The following MCF2L variants were observed in gnomAD, a reference collection of about 807,000 sequenced individuals.
MCF2L encodes the protein MCF.2 cell line derived transforming sequence like.
MCF2L carries 97 observed loss-of-function variants against 153.4 expected under a neutral mutation model. The ratio of observed to expected loss-of-function variants is 0.63; its 90% CI spans 0.54 to 0.75. The LOEUF (loss-of-function observed/expected upper bound fraction) is 0.75, where lower values mean the gene tolerates loss of function less well. Ranked by LOEUF, MCF2L falls within the 30% of genes least tolerant of loss-of-function variation. The pLI is 0.00. For synonymous variants in MCF2L, 659 were observed against 632.2 expected (o/e 1.04, Z -0.64); for missense variants, 1,347 against 1,495.2 (o/e 0.90, Z 1.64).
At chr13:113,043,306 A>T (rs1030066621) in intron 3 of MCF2L, 10 of 152,086 alleles carry the variant, frequency 6.6e-5, no homozygotes, top group African/African-American at 2.4e-4. Flanking sequence ...AAAGCATTTG[A>T]CTGGGTTCGC....
intron 3 of MCF2L, among the ~76,000 whole-genome samples, chr13:113,038,671 T>C (rs949817925): frequency 2.0e-5 from 3 of 152,074 alleles, no homozygotes; most frequent in African/African-American, 7.2e-5. Flanking sequence ...ACATTTTATA[T>C]GAAAATGCAA....
At chr13:112,948,947 T>C (rs2081664210) in intron 2 of MCF2L, among the ~76,000 whole-genome samples, 1 of 152,152 alleles carries the variant, frequency 6.6e-6, no homozygotes, top group African/African-American at 2.4e-5. Flanking sequence ...GCACCTGTAG[T>C]CCCAGCTACT....
At chr13:113,091,971 A>G (rs999748646) in intron 26 of MCF2L, among the ~76,000 whole-genome samples, 3 of 152,152 alleles carry the variant, frequency 2.0e-5, no homozygotes, top group African/African-American at 7.2e-5. Context: ...AGCTGTGGCC[A>G]CCCTGGGCAT....
chr13:113,041,901 G>C (rs1201845227), intron 3 of MCF2L, among the ~76,000 whole-genome samples: 1 of 152,166 alleles, frequency 6.6e-6, no homozygotes, highest in Non-Finnish European at 1.5e-5. Context: ...CACACGTGGT[G>C]TCTGAGCCAG....
At chr13:113,065,724 C>T (rs902008499) in intron 7 of MCF2L, among the ~76,000 whole-genome samples, 1 of 152,188 alleles carries the variant, frequency 6.6e-6, no homozygotes, top group Non-Finnish European at 1.5e-5. Flanking sequence ...CTCACCGGGC[C>T]GCTCCACCGT....
chr13:112,934,501 T>C (rs574292395), intron 2 of MCF2L, among the ~76,000 whole-genome samples: 7 of 123,390 alleles, frequency 5.7e-5, no homozygotes, highest in Middle Eastern at 4.1e-3. Flanking sequence ...ACATCCAGAG[T>C]CTCTGATTCA....
chr13:112,962,475 G>A (rs1195805387), intron 2 of MCF2L, among the ~76,000 whole-genome samples: 1 of 152,192 alleles, frequency 6.6e-6, no homozygotes, highest in African/African-American at 2.4e-5. Flanking sequence ...CAGCCATGGG[G>A]GTGGGCCTCA....
chr13:112,974,030 C>T (rs1191814022), intron 1 of MCF2L, among the ~76,000 whole-genome samples: 1 of 152,190 alleles, frequency 6.6e-6, no homozygotes, highest in Admixed American at 6.5e-5. Context: ...GACCCCATCC[C>T]CCACTGTTTC....
intron 1 of MCF2L, among the ~76,000 whole-genome samples, chr13:113,006,876 G>T (rs191252643): frequency 6.6e-6 from 1 of 152,228 alleles, no homozygotes; most frequent in Non-Finnish European, 1.5e-5. Flanking sequence ...GGTCTGTGGC[G>T]GGGTGTGGGG....
At chr13:112,948,343 C>T (rs1181604825) in intron 2 of MCF2L, among the ~76,000 whole-genome samples, 1 of 152,168 alleles carries the variant, frequency 6.6e-6, no homozygotes, top group East Asian at 1.9e-4. Context: ...TATTCTGCTT[C>T]CCTTTTAATT....
intron 11 of MCF2L, among the ~76,000 whole-genome samples, chr13:113,075,714 C>T (rs1167311903): frequency 6.6e-6 from 1 of 152,186 alleles, no homozygotes; most frequent in Non-Finnish European, 1.5e-5. Context: ...CCAGGCCCCG[C>T]CCTGGGTAAT....
At chr13:112,994,795 G>A (rs2083053328) in intron 1 of MCF2L, among the ~76,000 whole-genome samples, 1 of 152,234 alleles carries the variant, frequency 6.6e-6, no homozygotes. Flanking sequence ...ACACAGGTCG[G>A]GTAGAGTGAG....
Position 113,089,748 on chromosome 13 carries a change from G to GGGCCTCACACGGA in MCF2L, c.2953+35_2953+47dup, listed in dbSNP as rs760387405. ...GCAAAGGTGGGTATGTGCAGGGACCGGGCCTCACACGGAGGCCTCACACGG... is the reference window on the plus strand; with the variant it reads ...GCAAAGGTGGGTATGTGCAGGGACCGGGCCTCACACGGAGGCCTCACACGGAGGCCTCACACGG... On this transcript the variant is annotated intron_variant, in intron 26 of 29. Transcript: ENST00000535094. The GGGCCTCACACGGA allele has an allele frequency of 2.4e-5, 38 of 1,605,232 alleles. No homozygotes were observed. In the South Asian group the frequency reaches 2.9e-4, roughly 12 times the overall value.
intron 1 of MCF2L, among the ~76,000 whole-genome samples, chr13:113,007,399 G>A (rs1047462186): frequency 2.0e-5 from 3 of 152,222 alleles, no homozygotes; most frequent in Non-Finnish European, 2.9e-5. Context: ...CCCAGCGTCC[G>A]TGTCACCTGG....
At chr13:113,087,898 A>T in intron 23 of MCF2L, 99 bp downstream of exon 23, 6 of 992,460 alleles carry the variant, frequency 6.0e-6, no homozygotes, top group Admixed American at 1.9e-5. Flanking sequence ...CATCGAGCCC[A>T]GGAGCAGCCG....
chr13:112,925,061 T>C (rs568177876), intron 2 of MCF2L, among the ~76,000 whole-genome samples: 2 of 152,324 alleles, frequency 1.3e-5, no homozygotes, highest in East Asian at 3.9e-4. Flanking sequence ...TCTTCACACC[T>C]TTCACCTGGA....
At position 113,064,484 on chromosome 13, in the gene MCF2L, C is replaced by A; in HGVS notation, c.606+64C>A. The A allele has an allele frequency of 1.9e-6, 2 of 1,034,382 alleles. No homozygotes were observed. The highest frequency in any genetic ancestry group is 2.5e-5 in the South Asian group (2 of 78,868). The allele number at this position is 1,034,382 out of a possible 1,614,324, so 64.1% of individuals were successfully genotyped here. A position where few individuals can be genotyped will look rare whatever the true frequency, so the allele number is the denominator to read the frequency against. On this transcript the variant is annotated intron_variant, in intron 6 of 29. Coordinates refer to ENST00000535094, the MANE Select transcript of MCF2L (RefSeq NM_001112732.3). This position sits in a 1 kb window ranked among gnomAD's most constrained non-coding sequence, Gnocchi z 6.0. ...GCTCGAGTACTTCCACAGAATCGCTCTTGCATTACAACACGGCCCTTTCCA... is the reference window on the plus strand; with the variant it reads ...GCTCGAGTACTTCCACAGAATCGCTATTGCATTACAACACGGCCCTTTCCA...
chr13:113,014,761 A>G lies in MCF2L; in HGVS notation c.80-2A>G. On this transcript the variant is annotated splice_acceptor_variant, in intron 1 of 29. Coordinates refer to ENST00000535094, the MANE Select transcript of MCF2L (RefSeq NM_001112732.3). LOFTEE classifies it high-confidence loss of function. ...CACGTGCCGTCTGCTCTTTCCGTGC[A>G]GATGAAATCATGCACCAGGACATCG... The G allele has an allele frequency of 6.2e-7, 1 of 1,613,754 alleles. No homozygotes were observed. The highest frequency in any genetic ancestry group is 8.5e-7 in the Non-Finnish European group (1 of 1,179,760).
chr13:112,928,218 G>A (rs1330209492), intron 2 of MCF2L, among the ~76,000 whole-genome samples: 1 of 152,200 alleles, frequency 6.6e-6, no homozygotes. Flanking sequence ...GTGAAACGCG[G>A]CCGGCCGTGC....
Sources: gnomAD v4.1 joint callset for allele counts (sites outside exome capture counted in the v4.1 genomes callset) on GRCh38, gnomAD v4.1.1 for gene constraint, Gnocchi (gnomAD v3.1) non-coding constraint, MANE v1.5 for transcripts, NCBI Gene and HGNC (gene_info 2026-07-23, HGNC 2026-07-21) for gene names.